The following ESRRG variants were observed in gnomAD, a reference collection of about 807,000 sequenced individuals.
The protein encoded by ESRRG is estrogen-related receptor gamma.
A neutral mutation model predicts 44.0 loss-of-function variants in ESRRG; 13 were observed. That is an observed-to-expected ratio of 0.30 (90% CI 0.19 to 0.47). ESRRG has a LOEUF of 0.47. ESRRG is among the 20% of genes least tolerant of loss of function. The pLI is 1.00. For synonymous variants in ESRRG, 215 were observed against 214.6 expected (o/e 1.00, Z -0.02); for missense variants, 395 against 580.6 (o/e 0.68, Z 3.29).
At chr1:217,080,957 G>A (rs964166483) in intron 1 of ESRRG, among the ~76,000 whole-genome samples, 3 of 151,970 alleles carry the variant, frequency 2.0e-5, no homozygotes, top group Admixed American at 2.0e-4. Flanking sequence ...GATTACAGGC[G>A]TGAGCCACCG....
At chr1:217,092,473 G>T (rs74402898), upstream of ESRRG, among the ~76,000 whole-genome samples, 6,892 of 152,236 alleles carry the variant, frequency 0.045, 197 homozygotes, top group South Asian at 0.14. Context: ...TGAGTAATTT[G>T]CTCAAAATTA....
intron 2 of ESRRG, among the ~76,000 whole-genome samples, chr1:216,670,194 G>A (rs1035733147): frequency 6.6e-6 from 1 of 152,080 alleles, no homozygotes; most frequent in Admixed American, 6.5e-5. Context: ...TTTTCTCTAT[G>A]GCTGAAAACA....
At chr1:216,531,917 A>T (rs975294780) in intron 5 of ESRRG, among the ~76,000 whole-genome samples, 2 of 152,036 alleles carry the variant, frequency 1.3e-5, no homozygotes, top group Non-Finnish European at 1.5e-5. Context: ...ATTTCCTTTC[A>T]TGTCACTGAA....
intron 3 of ESRRG, among the ~76,000 whole-genome samples, chr1:216,613,231 T>C (rs780708870): frequency 2.0e-5 from 3 of 152,198 alleles, no homozygotes; most frequent in Non-Finnish European, 4.4e-5. Context: ...AGATTTGTAA[T>C]GTGCCCCCAA....
At chr1:217,130,264 A>G (rs890655715) in intron 1 of ESRRG, among the ~76,000 whole-genome samples, 1 of 152,166 alleles carries the variant, frequency 6.6e-6, no homozygotes, top group Non-Finnish European at 1.5e-5. Context: ...AGGGGGTCTC[A>G]CTATGTTGTG....
chr1:216,635,754 T>A (rs1347452945), intron 3 of ESRRG, among the ~76,000 whole-genome samples: 1 of 152,012 alleles, frequency 6.6e-6, no homozygotes, highest in Non-Finnish European at 1.5e-5. Context: ...ACACAGAGCA[T>A]TATCGGGGAC....
chr1:216,936,292 G>A (rs1427319165), intron 2 of ESRRG, among the ~76,000 whole-genome samples: 4 of 152,118 alleles, frequency 2.6e-5, no homozygotes, highest in East Asian at 1.9e-4. Context: ...TGTCGTACTT[G>A]TACTGAGGTA....
At chr1:217,020,174 C>T (rs534793426) in intron 1 of ESRRG, among the ~76,000 whole-genome samples, 5 of 152,184 alleles carry the variant, frequency 3.3e-5, no homozygotes, top group Non-Finnish European at 5.9e-5. Context: ...GAAATAATCC[C>T]GGGGAAAAAC....
At chr1:216,979,802 C>G (rs1264038087) in intron 1 of ESRRG, among the ~76,000 whole-genome samples, 1 of 152,036 alleles carries the variant, frequency 6.6e-6, no homozygotes, top group Admixed American at 6.6e-5. Context: ...AAAACTGGCA[C>G]CAAGACATCA....
chr1:216,831,107 C>G (rs981691131), intron 2 of ESRRG, among the ~76,000 whole-genome samples: 8 of 151,812 alleles, frequency 5.3e-5, no homozygotes, highest in Admixed American at 3.3e-4. Flanking sequence ...CCTGTTCTCT[C>G]CAACAGGGTA....
At chr1:216,795,120 C>T (rs2094437955) in intron 2 of ESRRG, among the ~76,000 whole-genome samples, 1 of 152,126 alleles carries the variant, frequency 6.6e-6, no homozygotes, top group Non-Finnish European at 1.5e-5. Flanking sequence ...TCTTGCATCA[C>T]TTGACAAAGA....
At chr1:216,830,269 G>A (rs1396788068) in intron 2 of ESRRG, among the ~76,000 whole-genome samples, 1 of 152,144 alleles carries the variant, frequency 6.6e-6, no homozygotes, top group African/African-American at 2.4e-5. Flanking sequence ...CTGAGGCCAC[G>A]GAGGAACAAT....
At chr1:216,796,255 C>T (rs573383119) in intron 2 of ESRRG, among the ~76,000 whole-genome samples, 93 of 152,188 alleles carry the variant, frequency 6.1e-4, no homozygotes, top group Non-Finnish European at 1.2e-3. Flanking sequence ...AAAGCATGTA[C>T]ACCCTTACCC....
intron 3 of ESRRG, among the ~76,000 whole-genome samples, chr1:216,574,757 T>A (rs2061404495): frequency 6.6e-6 from 1 of 152,144 alleles, no homozygotes. Flanking sequence ...AGCAAACTGC[T>A]GTGTTAAATA....
chr1:216,820,929 G>A (rs916296397), intron 2 of ESRRG, among the ~76,000 whole-genome samples: 1 of 152,080 alleles, frequency 6.6e-6, no homozygotes, highest in African/African-American at 2.4e-5. Flanking sequence ...ATGGTTGCAC[G>A]AACTTTGCTT....
intron 1 of ESRRG, among the ~76,000 whole-genome samples, chr1:216,690,457 A>G (rs966304395): frequency 1.3e-5 from 2 of 152,124 alleles, no homozygotes; most frequent in Admixed American, 1.3e-4. Flanking sequence ...AATCATCATA[A>G]TAGAAATCAC....
At chr1:217,103,724 C>G (rs1467595209) in intron 1 of ESRRG, among the ~76,000 whole-genome samples, 1 of 151,840 alleles carries the variant, frequency 6.6e-6, no homozygotes, top group East Asian at 1.9e-4. Context: ...CATGATTGTA[C>G]TTATGTTAAT....
At chr1:217,108,091 T>C (rs1035597576) in intron 1 of ESRRG, among the ~76,000 whole-genome samples, 1 of 152,124 alleles carries the variant, frequency 6.6e-6, no homozygotes, top group African/African-American at 2.4e-5. Flanking sequence ...CTACCCAGTT[T>C]TCCAAAAATT....
At chr1:216,940,547 C>T (rs562518590) in intron 1 of ESRRG, among the ~76,000 whole-genome samples, 1 of 152,164 alleles carries the variant, frequency 6.6e-6, no homozygotes, top group East Asian at 1.9e-4. Context: ...TGGTGCATGC[C>T]CTGGTGCAAT....
Sources: gnomAD v4.1 joint callset for allele counts (sites outside exome capture counted in the v4.1 genomes callset) on GRCh38, gnomAD v4.1.1 for gene constraint, MANE v1.5 for transcripts, NCBI Gene and HGNC (gene_info 2026-07-23, HGNC 2026-07-21) for gene names.